The following SMYD3 variants were observed in gnomAD, a reference collection of about 807,000 sequenced individuals.
The protein encoded by SMYD3 is histone-lysine N-methyltransferase SMYD3.
Under a neutral mutation model 57.7 loss-of-function variants are expected in SMYD3, and 36 were observed. The observed-to-expected ratio is 0.62, with a 90% CI of 0.48 to 0.82. The LOEUF is 0.82. SMYD3 is among the 40% of genes least tolerant of loss of function. The pLI is 0.00. For missense variants in SMYD3, 515 were observed against 538.8 expected (o/e 0.96, Z 0.44); for synonymous variants, 211 against 195.0 (o/e 1.08, Z -0.68).
At chr1:246,321,202 G>A (rs575490775) in intron 5 of SMYD3, among the ~76,000 whole-genome samples, 1 of 152,338 alleles carries the variant, frequency 6.6e-6, no homozygotes, top group East Asian at 1.9e-4. Context: ...TGAGACTCTA[G>A]TTTACAAACA....
chr1:246,248,452 A>G (rs2063743494), intron 5 of SMYD3, among the ~76,000 whole-genome samples: 1 of 152,012 alleles, frequency 6.6e-6, no homozygotes, highest in Non-Finnish European at 1.5e-5. Context: ...TAATTTGGGC[A>G]GGTCGTTTGT....
intron 5 of SMYD3, among the ~76,000 whole-genome samples, chr1:246,243,162 A>C (rs1558343692): frequency 6.6e-6 from 1 of 152,094 alleles, no homozygotes; most frequent in Non-Finnish European, 1.5e-5. Context: ...TCTTCTCAGC[A>C]CCACATCGCA....
At chr1:246,303,913 T>C (rs1197625) in intron 5 of SMYD3, among the ~76,000 whole-genome samples, 2,358 of 152,302 alleles carry the variant, frequency 0.015, 32 homozygotes, top group African/African-American at 0.038. Context: ...AAAAATACTT[T>C]CTACAACACG....
At chr1:246,395,549 A>T (rs2066644878) in intron 1 of SMYD3, among the ~76,000 whole-genome samples, 1 of 151,780 alleles carries the variant, frequency 6.6e-6, no homozygotes, top group Admixed American at 6.6e-5. Flanking sequence ...CTTTTTCACA[A>T]GTGGACAATG....
intron 5 of SMYD3, among the ~76,000 whole-genome samples, chr1:245,996,223 C>T (rs10737781): frequency 0.51 from 76,923 of 152,016 alleles, 23,299 homozygotes; most frequent in Middle Eastern, 0.69. Context: ...AATTCTGAAA[C>T]GATTTTCTAT....
chr1:246,049,639 T>C (rs918592005), intron 5 of SMYD3, among the ~76,000 whole-genome samples: 1 of 152,188 alleles, frequency 6.6e-6, no homozygotes, highest in Non-Finnish European at 1.5e-5. Flanking sequence ...AAACACAGTA[T>C]GTATTTAACA....
At chr1:246,145,665 G>T (rs139353982) in intron 5 of SMYD3, among the ~76,000 whole-genome samples, 1 of 152,140 alleles carries the variant, frequency 6.6e-6, no homozygotes, top group Non-Finnish European at 1.5e-5. Context: ...AGTAAGTAGC[G>T]TAAGCCTCTT....
intron 1 of SMYD3, among the ~76,000 whole-genome samples, chr1:246,415,604 T>G (rs956127420): frequency 2.6e-5 from 4 of 152,144 alleles, no homozygotes; most frequent in African/African-American, 9.7e-5. Context: ...CACTTATTTT[T>G]TTAAAGACCA....
intron 10 of SMYD3, among the ~76,000 whole-genome samples, chr1:245,768,848 T>G (rs1047167757): frequency 6.6e-6 from 1 of 152,194 alleles, no homozygotes; most frequent in African/African-American, 2.4e-5. Context: ...GGCACCTTCA[T>G]CTTGGATTTC....
rs558780759 is a variant in SMYD3 at position 246,468,659 on chromosome 1, T to A, written c.164+38395A>T. The stretch of plus-strand genomic sequence containing the variant: ...CTGTCTCCAAAAAAAGGAAAAAAAA[T>A]TAATAACAATAATAATAACAAATAA... On this transcript the variant is annotated intron_variant, in intron 1 of 11. Transcript: ENST00000490107. Among the ~76,000 whole-genome samples, 5 of 151,254 alleles carry A rather than the reference T, an allele frequency of 3.3e-5. No individual in the cohort carries two copies. In the East Asian group the frequency reaches 5.9e-4, roughly 18 times the overall value.
At chr1:245,809,682 G>A (rs867784782) in intron 10 of SMYD3, among the ~76,000 whole-genome samples, 13 of 152,170 alleles carry the variant, frequency 8.5e-5, no homozygotes, top group South Asian at 6.2e-4. Flanking sequence ...ATCCTAGTGC[G>A]GGCACAATTG....
intron 5 of SMYD3, among the ~76,000 whole-genome samples, chr1:246,194,276 T>G (rs12120766): frequency 0.14 from 20,692 of 150,658 alleles, 1,761 homozygotes; most frequent in East Asian, 0.34. Context: ...TTTTTTGTTT[T>G]TTTTTTTTTG....
intron 5 of SMYD3, among the ~76,000 whole-genome samples, chr1:246,303,517 T>A (rs1338383503): frequency 6.6e-6 from 1 of 152,232 alleles, no homozygotes; most frequent in Non-Finnish European, 1.5e-5. Flanking sequence ...GTAAACACTA[T>A]ATAAATTAGT....
intron 5 of SMYD3, among the ~76,000 whole-genome samples, chr1:246,123,724 G>A (rs1484566491): frequency 1.3e-5 from 2 of 151,934 alleles, no homozygotes; most frequent in Non-Finnish European, 2.9e-5. Context: ...TTACATGCTT[G>A]TATTGTTTTA....
At chr1:246,421,940 T>C (rs957657345) in intron 1 of SMYD3, among the ~76,000 whole-genome samples, 5 of 152,194 alleles carry the variant, frequency 3.3e-5, no homozygotes, top group Non-Finnish European at 7.3e-5. Flanking sequence ...ATGCCCTCAA[T>C]AGACTGATGA....
At chr1:245,967,149 G>C (rs1006082582) in intron 5 of SMYD3, among the ~76,000 whole-genome samples, 3 of 152,178 alleles carry the variant, frequency 2.0e-5, no homozygotes, top group African/African-American at 7.2e-5. Context: ...AGAGAAGAAA[G>C]AGGTAGAAAT....
chr1:246,180,100 G>A (rs1030621008), intron 5 of SMYD3, among the ~76,000 whole-genome samples: 3 of 151,146 alleles, frequency 2.0e-5, no homozygotes, highest in African/African-American at 7.3e-5. Flanking sequence ...TTGAGCCACA[G>A]AGTTCAAGAC....
intron 5 of SMYD3, among the ~76,000 whole-genome samples, chr1:245,995,485 CAG>C (rs2058910044): frequency 6.6e-6 from 1 of 152,260 alleles, no homozygotes; most frequent in Non-Finnish European, 1.5e-5. Flanking sequence ...TAAATATTTA[CAG>C]ATGATACAAT....
At chr1:246,492,944 C>T (rs1419069089) in intron 1 of SMYD3, among the ~76,000 whole-genome samples, 1 of 152,106 alleles carries the variant, frequency 6.6e-6, no homozygotes, top group Non-Finnish European at 1.5e-5. Flanking sequence ...CTTATGTTTT[C>T]CTCTGTTTAA....
Sources: allele counts gnomAD v4.1 joint callset (sites outside exome capture counted in the v4.1 genomes callset), GRCh38; gene constraint gnomAD v4.1.1; transcripts MANE v1.5; gene names NCBI Gene and HGNC (gene_info 2026-07-23, HGNC 2026-07-21).